ENAH: variants seen among roughly 807,000 people sequenced by gnomAD.
The protein encoded by ENAH is protein enabled homolog.
A neutral mutation model predicts 78.7 loss-of-function variants in ENAH; 23 were observed. The ratio of observed to expected loss-of-function variants is 0.29; its 90% CI spans 0.21 to 0.41. ENAH has a LOEUF of 0.41. Ranked by LOEUF, ENAH falls within the 10% of genes least tolerant of loss-of-function variation. ENAH has a pLI of 1.00. For synonymous variants in ENAH, 226 were observed against 241.0 expected (o/e 0.94, Z 0.58); for missense variants, 544 against 691.0 (o/e 0.79, Z 2.39).
At chr1:225,522,220 C>T (rs917252218) in intron 4 of ENAH, among the ~76,000 whole-genome samples, 7 of 152,194 alleles carry the variant, frequency 4.6e-5, no homozygotes, top group Non-Finnish European at 7.3e-5. Flanking sequence ...TTCCTTCCAG[C>T]GGTACCAACA....
rs1392157435 is a variant in ENAH at position 225,489,820 on chromosome 1, AT to A, written c.*7954del. 2.6e-5 allele frequency: 4 copies of A among 152,138 alleles called. No individual in the cohort carries two copies. Among genetic ancestry groups the A allele is most frequent in the Non-Finnish European group, 5.9e-5 (4 of 68,090 alleles). The allele number at this position is 152,138 out of a possible 1,614,324, so 9.4% of individuals were successfully genotyped here. A position where few individuals can be genotyped will look rare whatever the true frequency, so the allele number is the denominator to read the frequency against. On this transcript the variant is annotated 3_prime_UTR_variant, in exon 14 of 14. Coordinates refer to ENST00000366843, the MANE Select transcript of ENAH (RefSeq NM_018212.6). Reference sequence around the variant, plus strand: ...AAAAATTAGCCGGGTGTGGTGGCGCATGCCTGTAGTCCCAGCTACTAAGGAG... The same window carrying A: ...AAAAATTAGCCGGGTGTGGTGGCGCAGCCTGTAGTCCCAGCTACTAAGGAG...
intron 11 of ENAH, chr1:225,504,853 G>T: frequency 2.0e-6 from 1 of 493,512 alleles, no homozygotes; most frequent in Non-Finnish European, 3.6e-6. Flanking sequence ...AGTGATGGCA[G>T]AATTTTTAAA....
intron 2 of ENAH, among the ~76,000 whole-genome samples, chr1:225,557,390 T>C (rs1310350287): frequency 6.6e-6 from 1 of 152,242 alleles, no homozygotes; most frequent in East Asian, 1.9e-4. Context: ...TATTTCTTCC[T>C]TTCCAATCCA....
intron 11 of ENAH, among the ~76,000 whole-genome samples, chr1:225,506,863 G>A (rs963143005): frequency 3.9e-5 from 6 of 152,148 alleles, no homozygotes; most frequent in African/African-American, 1.4e-4. Context: ...ATAATATAAA[G>A]TCTATCCCTG....
intron 1 of ENAH, among the ~76,000 whole-genome samples, chr1:225,631,382 C>T (rs1659001209): frequency 6.6e-6 from 1 of 150,992 alleles, no homozygotes; most frequent in South Asian, 2.1e-4. Context: ...CCAGCCTGAC[C>T]AACATATAGT....
At chr1:225,555,383 C>A (rs904337562) in intron 2 of ENAH, among the ~76,000 whole-genome samples, 5 of 152,110 alleles carry the variant, frequency 3.3e-5, no homozygotes, top group Admixed American at 1.3e-4. Flanking sequence ...GAGATTGAGA[C>A]CATCCTGGCT....
intron 1 of ENAH, among the ~76,000 whole-genome samples, chr1:225,614,476 A>T (rs1013535833): frequency 2.6e-5 from 4 of 152,174 alleles, no homozygotes; most frequent in African/African-American, 9.7e-5. Flanking sequence ...TGTACCCCCA[A>T]TCGCTGCACT....
chr1:225,638,719 C>A (rs531628741), intron 1 of ENAH, among the ~76,000 whole-genome samples: 4 of 152,186 alleles, frequency 2.6e-5, no homozygotes, highest in African/African-American at 9.6e-5. Context: ...CTGAGCTGAT[C>A]AAATCTAAAT....
chr1:225,562,064 A>T (rs2096708866), intron 2 of ENAH, among the ~76,000 whole-genome samples: 1 of 152,066 alleles, frequency 6.6e-6, no homozygotes, highest in Non-Finnish European at 1.5e-5. Flanking sequence ...CTGGGATTAC[A>T]GGCGCGCGCC....
chr1:225,548,695 C>G (rs1379665570), intron 3 of ENAH, among the ~76,000 whole-genome samples: 1 of 152,190 alleles, frequency 6.6e-6, no homozygotes, highest in South Asian at 2.1e-4. Flanking sequence ...GGAGTGACAA[C>G]AGACATATTA....
intron 11 of ENAH, chr1:225,505,114 T>C (rs1350760076): frequency 7.7e-7 from 1 of 1,303,722 alleles, no homozygotes; most frequent in African/African-American, 1.5e-5. Flanking sequence ...TAATTCTCAT[T>C]ATGTTACTGT....
Position 225,519,296 on chromosome 1 carries a change from AGCCTCTCTCGTTCTTGTCTTTCTT to A in ENAH, c.680_703del (p.Gln227_Arg234del), listed in dbSNP as rs1558743327. The stretch of plus-strand genomic sequence containing the variant: ...TTGCCTCTCCCGTTCCAGTCTCTCC[AGCCTCTCTCGTTCTTGTCTTTCTT>A]GCCTCTCCCGATCCAGGCGTTCCTG... On this transcript the variant is annotated inframe_deletion, in exon 5 of 14. Coordinates refer to ENST00000366843, the MANE Select transcript of ENAH (RefSeq NM_018212.6). 6.2e-7 allele frequency: 1 copy of A among 1,613,550 alleles called. No individual in the cohort carries two copies. The highest frequency in any genetic ancestry group is 1.1e-5 in the South Asian group (1 of 91,032).
chr1:225,542,953 A>C (rs912275626), intron 3 of ENAH, among the ~76,000 whole-genome samples: 3 of 151,640 alleles, frequency 2.0e-5, no homozygotes, highest in East Asian at 3.9e-4. Context: ...CAGGAATTCG[A>C]GGTTACAGTG....
At chr1:225,569,765 T>A (rs998483296) in intron 1 of ENAH, among the ~76,000 whole-genome samples, 1 of 152,190 alleles carries the variant, frequency 6.6e-6, no homozygotes, top group Non-Finnish European at 1.5e-5. Context: ...ACATTTCCAA[T>A]TCTAAACAAA....
chr1:225,627,985 C>T (rs1658267270), intron 1 of ENAH, among the ~76,000 whole-genome samples: 1 of 152,218 alleles, frequency 6.6e-6, no homozygotes, highest in South Asian at 2.1e-4. Context: ...AGGGCAGTTA[C>T]TTCATGTTTC....
At chr1:225,503,602 T>G (rs1377485510) in intron 11 of ENAH, among the ~76,000 whole-genome samples, 1 of 148,176 alleles carries the variant, frequency 6.7e-6, no homozygotes, top group Non-Finnish European at 1.5e-5. Context: ...TAAATGCTAC[T>G]TTTCTATGTA....
chr1:225,640,192 A>G (rs1484921051), intron 1 of ENAH, among the ~76,000 whole-genome samples: 1 of 152,202 alleles, frequency 6.6e-6, no homozygotes, highest in Non-Finnish European at 1.5e-5. Flanking sequence ...GTGATCTTAC[A>G]ATTTTCTCAG....
chr1:225,535,684 G>T, intron 3 of ENAH: 1 of 324,232 alleles, frequency 3.1e-6, no homozygotes. Context: ...GTCCTATCTA[G>T]ATCCTCATCC....
intron 11 of ENAH, among the ~76,000 whole-genome samples, chr1:225,506,078 T>G (rs1013156026): frequency 6.6e-6 from 1 of 152,152 alleles, no homozygotes; most frequent in African/African-American, 2.4e-5. Context: ...ACCAAATACA[T>G]CAAAGAATGT....
Sources: gnomAD v4.1 joint callset for allele counts (sites outside exome capture counted in the v4.1 genomes callset) on GRCh38, gnomAD v4.1.1 for gene constraint, MANE v1.5 for transcripts, NCBI Gene and HGNC (gene_info 2026-07-23, HGNC 2026-07-21) for gene names.